Variants in MECOM observed in about 807,000 individuals in gnomAD.
The protein encoded by MECOM is histone-lysine N-methyltransferase MECOM.
Under a neutral mutation model 116.3 loss-of-function variants are expected in MECOM, and 13 were observed. That is an observed-to-expected ratio of 0.11 (90% CI 0.07 to 0.18). The LOEUF (loss-of-function observed/expected upper bound fraction) is 0.18, where lower values mean the gene tolerates loss of function less well. MECOM is among the 10% of genes least tolerant of loss of function. The probability of loss-of-function intolerance (pLI) is 1.00; values close to 1 mark genes in which losing one functional copy is unlikely to be tolerated. For missense variants in MECOM, 1,299 were observed against 1,509.0 expected (o/e 0.86, Z 2.31); for synonymous variants, 528 against 535.2 (o/e 0.99, Z 0.19).
chr3:169,609,029 T>C (rs1768930998), intron 1 of MECOM, among the ~76,000 whole-genome samples: 1 of 152,174 alleles, frequency 6.6e-6, no homozygotes, highest in Admixed American at 6.5e-5. Flanking sequence ...GTTCATGTGA[T>C]GAGAAGATAA....
At chr3:169,584,362 G>C (rs1459479143) in intron 1 of MECOM, among the ~76,000 whole-genome samples, 3 of 151,150 alleles carry the variant, frequency 2.0e-5, no homozygotes, top group Non-Finnish European at 3.0e-5. Flanking sequence ...TCTGGAGATA[G>C]AGACCATCTT....
chr3:169,367,142 A>T (rs930623808), intron 2 of MECOM, among the ~76,000 whole-genome samples: 6 of 152,046 alleles, frequency 3.9e-5, no homozygotes, highest in Admixed American at 6.6e-5. Flanking sequence ...GACTGAAAAA[A>T]CAGAAATGCA....
intron 1 of MECOM, among the ~76,000 whole-genome samples, chr3:169,630,641 T>TTTATTG (rs1300013793): frequency 2.0e-5 from 3 of 152,138 alleles, no homozygotes; most frequent in African/African-American, 4.8e-5. Flanking sequence ...TATTTTTATT[T>TTTATTG]TTGTAGAGAA....
intron 1 of MECOM, among the ~76,000 whole-genome samples, chr3:169,520,524 T>A (rs1273461473): frequency 1.3e-5 from 2 of 152,188 alleles, no homozygotes; most frequent in African/African-American, 4.8e-5. Context: ...TTAATATGGA[T>A]CTTACTTTCA....
At chr3:169,619,859 G>A (rs1158492588) in intron 1 of MECOM, among the ~76,000 whole-genome samples, 1 of 152,126 alleles carries the variant, frequency 6.6e-6, no homozygotes, top group Non-Finnish European at 1.5e-5. Context: ...AGTCATAAAC[G>A]TGCAGAGGCT....
At chr3:169,341,065 C>T (rs1724420460) in intron 2 of MECOM, among the ~76,000 whole-genome samples, 1 of 152,182 alleles carries the variant, frequency 6.6e-6, no homozygotes, top group Non-Finnish European at 1.5e-5. Flanking sequence ...GGGTGATAGA[C>T]TGTATTTTAT....
intron 1 of MECOM, among the ~76,000 whole-genome samples, chr3:169,452,319 TA>T (rs111783458): frequency 0.042 from 6,460 of 152,208 alleles, 354 homozygotes; most frequent in African/African-American, 0.13. Flanking sequence ...TAAAAATTTT[TA>T]AATTAAATAA....
chr3:169,345,825 AC>A (rs1431456232), intron 2 of MECOM, among the ~76,000 whole-genome samples: 3 of 152,166 alleles, frequency 2.0e-5, no homozygotes, highest in African/African-American at 7.2e-5. Context: ...AAGTGATTTT[AC>A]ATAACGACAT....
chr3:169,609,925 A>G (rs2109811042), intron 1 of MECOM, among the ~76,000 whole-genome samples: 1 of 152,302 alleles, frequency 6.6e-6, no homozygotes, highest in African/African-American at 2.4e-5. Flanking sequence ...TCCAAATTCA[A>G]TGGAATTTAT....
chr3:169,257,088 T>C (rs1479566019), intron 2 of MECOM, among the ~76,000 whole-genome samples: 1 of 152,130 alleles, frequency 6.6e-6, no homozygotes, highest in African/African-American at 2.4e-5. Context: ...TTTTCGAAAA[T>C]ACTGTAGTTT....
intron 1 of MECOM, among the ~76,000 whole-genome samples, chr3:169,387,694 A>G (rs780591867): frequency 6.6e-6 from 1 of 152,164 alleles, no homozygotes; most frequent in East Asian, 1.9e-4. Context: ...CTGTACACAT[A>G]TATGCATATA....
chr3:169,235,830 T>C (rs936770821), intron 2 of MECOM, among the ~76,000 whole-genome samples: 4 of 146,702 alleles, frequency 2.7e-5, no homozygotes, highest in Non-Finnish European at 6.0e-5. Context: ...ATAATTACTA[T>C]CTCCCAAATC....
chr3:169,475,729 T>C (rs1443632197), intron 1 of MECOM, among the ~76,000 whole-genome samples: 2 of 152,032 alleles, frequency 1.3e-5, no homozygotes, highest in Non-Finnish European at 2.9e-5. Context: ...GTAAAGTACC[T>C]AGCTTGCCAA....
intron 2 of MECOM, among the ~76,000 whole-genome samples, chr3:169,344,365 G>GA (rs936045738): frequency 6.6e-6 from 1 of 152,008 alleles, no homozygotes; most frequent in African/African-American, 2.4e-5. Flanking sequence ...TCTATATTTT[G>GA]AAAAAAACTA....
intron 2 of MECOM, among the ~76,000 whole-genome samples, chr3:169,228,379 T>A (rs1205215521): frequency 6.6e-6 from 1 of 152,174 alleles, no homozygotes; most frequent in Non-Finnish European, 1.5e-5. Context: ...TGCAGGCGTA[T>A]GTTACGATCA....
At chr3:169,451,229 A>C (rs1238407187) in intron 1 of MECOM, among the ~76,000 whole-genome samples, 2 of 149,070 alleles carry the variant, frequency 1.3e-5, no homozygotes, top group Admixed American at 6.9e-5. Context: ...TCTCTCTCTC[A>C]TTTAGACTTT....
At chr3:169,107,377 G>T (rs144704259) in intron 10 of MECOM, among the ~76,000 whole-genome samples, 2 of 152,020 alleles carry the variant, frequency 1.3e-5, no homozygotes, top group African/African-American at 4.8e-5. Flanking sequence ...TGAAAGTCAA[G>T]GAAGTGAAAC....
chr3:169,527,306 T>C lies in MECOM; in HGVS notation c.37+136030A>G, dbSNP rs111963393. 3.1e-3 allele frequency among the ~76,000 whole-genome samples: 477 copies of C among 152,306 alleles called. 2 individuals carry two copies. Among genetic ancestry groups the C allele is most frequent in the Non-Finnish European group, 5.1e-3 (350 of 68,014 alleles). ...TAACTCAACAACCTTGAAAAGTTAA[T>C]TCGGAAACTTTCGTTAGTGACTTTG... is the stretch of plus-strand genomic sequence containing the variant. On this transcript the variant is annotated intron_variant, in intron 1 of 16. Coordinates refer to ENST00000651503, the MANE Select transcript of MECOM (RefSeq NM_004991.4).
rs191040240 is a variant in MECOM, at chr3:169,102,940, G to A, written c.2605-714C>T. On this transcript the variant is annotated intron_variant, in intron 10 of 16. Transcript: ENST00000651503. ...AACTTGGCATGTGCCTTGTAAGACA[G>A]GGGGAGCAGTTTATGTAACCACACT... Among the ~76,000 whole-genome samples, 23 of 151,828 alleles carry A rather than the reference G, an allele frequency of 1.5e-4. No individual in the cohort carries two copies. The East Asian group carries it at 2.7e-3, about 18-fold the overall frequency.
Sources: gnomAD v4.1 joint callset for allele counts (sites outside exome capture counted in the v4.1 genomes callset) on GRCh38, gnomAD v4.1.1 for gene constraint, MANE v1.5 for transcripts, NCBI Gene and HGNC (gene_info 2026-07-23, HGNC 2026-07-21) for gene names.